The following RGS6 variants were observed in gnomAD, a reference collection of about 807,000 sequenced individuals.
RGS6 encodes the protein regulator of G protein signaling 6.
Under a neutral mutation model 78.5 loss-of-function variants are expected in RGS6, and 30 were observed. The observed-to-expected ratio is 0.38, with a 90% confidence interval of 0.29 to 0.52. The LOEUF (loss-of-function observed/expected upper bound fraction) is 0.52, where lower values mean the gene tolerates loss of function less well. Ranked by LOEUF, RGS6 falls within the 20% of genes least tolerant of loss-of-function variation. RGS6 has a pLI of 0.85. For synonymous variants in RGS6, 206 were observed against 206.0 expected, an observed-to-expected ratio of 1.00 and a Z score of 0.00; for missense variants, 495 against 609.7, an observed-to-expected ratio of 0.81 and a Z score of 1.98.
intron 3 of RGS6, among the ~76,000 whole-genome samples, chr14:72,422,890 A>C (rs911438305): frequency 6.6e-6 from 1 of 152,244 alleles, no homozygotes; most frequent in Non-Finnish European, 1.5e-5. Flanking sequence ...TCAGCAGCAG[A>C]GCCAGGAGAG....
At chr14:71,906,441 C>T in the RGS6 span, among the ~76,000 whole-genome samples, 2 of 152,098 alleles carry the variant, frequency 1.3e-5, no homozygotes, top group African/African-American at 2.4e-5. Context: ...CACAGCTCAC[C>T]CTCTCTCTTA....
chr14:72,375,634 C>G lies in RGS6; in HGVS notation c.184+23440C>G, dbSNP rs183235582. On this transcript the variant is annotated intron_variant, in intron 3 of 17. Coordinates refer to ENST00000553525, the MANE Select transcript of RGS6 (RefSeq NM_001204424.2). ...GCCAGACCCCAAGAAAGCTGACCCA[C>G]TGTGTGCAGACATATGCCTCCAATC... Among the ~76,000 whole-genome samples the G allele has an allele frequency of 2.6e-5, 4 of 152,352 alleles. No homozygotes were observed. The East Asian group carries it at 5.8e-4, about 22-fold the overall frequency.
chr14:72,085,220 C>T (rs76761569), intron 2 of RGS6, among the ~76,000 whole-genome samples: 212 of 152,202 alleles, frequency 1.4e-3, no homozygotes, highest in Non-Finnish European at 2.5e-3. Flanking sequence ...ATTTATCGAC[C>T]ACTTTCTGCA....
chr14:72,289,948 A>T (rs1170357119), intron 2 of RGS6, among the ~76,000 whole-genome samples: 1 of 152,186 alleles, frequency 6.6e-6, no homozygotes, highest in Admixed American at 6.5e-5. Flanking sequence ...TTTCCCTGTC[A>T]CTTCTCAGAT....
chr14:72,540,639 C>G (rs1327420049), intron 17 of RGS6: 7 of 1,428,144 alleles, frequency 4.9e-6, no homozygotes, highest in Non-Finnish European at 6.5e-6. Context: ...GCCTAGCTGG[C>G]GTGTGTGTTA....
intron 2 of RGS6, among the ~76,000 whole-genome samples, chr14:72,228,208 G>A (rs1599914853): frequency 2.6e-5 from 4 of 152,106 alleles, no homozygotes; most frequent in Admixed American, 2.0e-4. Context: ...GTGAAACCCC[G>A]TATCCACTAA....
chr14:71,937,736 G>A (rs921956773), intron 1 of RGS6, among the ~76,000 whole-genome samples: 1 of 152,244 alleles, frequency 6.6e-6, no homozygotes, highest in African/African-American at 2.4e-5. Context: ...ACAGATGGTA[G>A]TCTTGGCAGA....
At position 72,565,007 on chromosome 14, in the gene RGS6, G is replaced by T. The variant is rs139428116; in HGVS notation, c.*2540G>T. The T allele has an allele frequency of 1.8e-4, 27 of 152,378 alleles. No homozygotes were observed. The highest frequency in any genetic ancestry group is 6.0e-4 in the African/African-American group (25 of 41,572). 9.4% of individuals were successfully genotyped at this position (152,378 alleles called of 1,614,324 possible). A position where few individuals can be genotyped will look rare whatever the true frequency, so the allele number is the denominator to read the frequency against. ...TGCCTATCCAAGGTCCATCTACCACGCAGAACTTGGTCATGCAAGTACATT... is the reference window on the plus strand; with the variant it reads ...TGCCTATCCAAGGTCCATCTACCACTCAGAACTTGGTCATGCAAGTACATT... On this transcript the variant is annotated 3_prime_UTR_variant, in exon 18 of 18. Coordinates refer to ENST00000553525, the MANE Select transcript of RGS6 (RefSeq NM_001204424.2).
the RGS6 span, among the ~76,000 whole-genome samples, chr14:72,601,115 G>C: frequency 6.6e-6 from 1 of 152,062 alleles, no homozygotes; most frequent in Non-Finnish European, 1.5e-5. Context: ...CTCAGTAGAC[G>C]AGGTACAGAC....
chr14:72,178,830 TA>T (rs2097138601), intron 2 of RGS6, among the ~76,000 whole-genome samples: 1 of 152,218 alleles, frequency 6.6e-6, no homozygotes, highest in Non-Finnish European at 1.5e-5. Flanking sequence ...CTAATTTCTA[TA>T]AATAGTTCAA....
chr14:72,607,717 T>A, the RGS6 span, among the ~76,000 whole-genome samples: 151,647 of 152,330 alleles, frequency 1, 75,485 homozygotes, highest in East Asian at 1. Context: ...GATTGCTGAA[T>A]TTAGCAGTTC....
intron 2 of RGS6, among the ~76,000 whole-genome samples, chr14:72,129,920 A>C (rs142554041): frequency 0.011 from 1,685 of 152,204 alleles, 17 homozygotes; most frequent in Non-Finnish European, 0.018. Flanking sequence ...CCTACAGCTC[A>C]ATTCAGTTCT....
chr14:72,309,387 A>G (rs1471354717), intron 2 of RGS6, among the ~76,000 whole-genome samples: 1 of 152,236 alleles, frequency 6.6e-6, no homozygotes, highest in Non-Finnish European at 1.5e-5. Flanking sequence ...CATTTGGCAC[A>G]TACTCGGCTC....
At chr14:72,307,266 A>T (rs1380058087) in intron 2 of RGS6, among the ~76,000 whole-genome samples, 2 of 152,032 alleles carry the variant, frequency 1.3e-5, no homozygotes, top group African/African-American at 4.8e-5. Context: ...ATAATTTTAT[A>T]TGTGCTGGGA....
chr14:72,514,319 T>C (rs567460672), intron 14 of RGS6, among the ~76,000 whole-genome samples: 80 of 152,324 alleles, frequency 5.3e-4, no homozygotes, highest in Middle Eastern at 6.8e-3. Flanking sequence ...TTCTAACCCA[T>C]GAAAATTCTA....
intron 2 of RGS6, among the ~76,000 whole-genome samples, chr14:72,170,718 A>T (rs554677206): frequency 6.6e-6 from 1 of 152,376 alleles, no homozygotes; most frequent in East Asian, 1.9e-4. Flanking sequence ...CTATTCATCC[A>T]TTCATTCTTA....
At chr14:71,927,145 G>A in the RGS6 span, among the ~76,000 whole-genome samples, 1 of 152,210 alleles carries the variant, frequency 6.6e-6, no homozygotes, top group African/African-American at 2.4e-5. Flanking sequence ...GGCATGAACA[G>A]CAGCCCATGG....
intron 1 of RGS6, among the ~76,000 whole-genome samples, chr14:71,940,315 GTCCT>G (rs2090312089): frequency 6.6e-6 from 1 of 152,192 alleles, no homozygotes; most frequent in Admixed American, 6.5e-5. Context: ...ATGTAGTGGA[GTCCT>G]TCCTTAAGGG....
At chr14:72,222,604 A>C (rs930069831) in intron 2 of RGS6, among the ~76,000 whole-genome samples, 6 of 152,236 alleles carry the variant, frequency 3.9e-5, no homozygotes, top group Non-Finnish European at 7.3e-5. Flanking sequence ...GCAGAAATGC[A>C]GGGTGAGCTT....
Sources: allele counts gnomAD v4.1 joint callset (sites outside exome capture counted in the v4.1 genomes callset), GRCh38; gene constraint gnomAD v4.1.1; transcripts MANE v1.5; gene names NCBI Gene and HGNC (gene_info 2026-07-23, HGNC 2026-07-21).